Variants in GNAQ observed in about 807,000 individuals in gnomAD.
GNAQ encodes G protein subunit alpha q.
A neutral mutation model predicts 43.9 loss-of-function variants in GNAQ; 8 were observed. That is an observed-to-expected ratio of 0.18 (90% confidence interval 0.11 to 0.33). The LOEUF is 0.33. GNAQ is among the 10% of genes least tolerant of loss of function. The pLI, the probability that GNAQ is intolerant of heterozygous loss-of-function variation, is 1.00. For synonymous variants in GNAQ, 155 were observed against 170.7 expected (o/e 0.91, Z 0.71); for missense variants, 158 against 450.8 (o/e 0.35, Z 5.88).
At chr9:77,761,339 G>A (rs1303154617) in intron 5 of GNAQ, among the ~76,000 whole-genome samples, 1,102 of 118,116 alleles carry the variant, frequency 9.3e-3, no homozygotes, top group Non-Finnish European at 0.014. Context: ...TCAGCCCCCC[G>A]CCCGGCCAGC....
chr9:77,874,686 G>A (rs771258112), intron 2 of GNAQ, among the ~76,000 whole-genome samples: 21 of 151,836 alleles, frequency 1.4e-4, no homozygotes, highest in East Asian at 1.9e-4. Context: ...GTGTCATAGC[G>A]CGATCATGGC....
intron 2 of GNAQ, among the ~76,000 whole-genome samples, chr9:77,831,399 CAGG>C (rs947195549): frequency 7.9e-5 from 12 of 152,170 alleles, no homozygotes; most frequent in African/African-American, 2.9e-4. Flanking sequence ...ACACCAAAAT[CAGG>C]AGGATCAATT....
intron 2 of GNAQ, among the ~76,000 whole-genome samples, chr9:77,842,290 A>G (rs1395675557): frequency 6.6e-6 from 1 of 152,188 alleles, no homozygotes; most frequent in Non-Finnish European, 1.5e-5. Flanking sequence ...CTCTAACTGT[A>G]GTAAGAAAAG....
intron 2 of GNAQ, among the ~76,000 whole-genome samples, chr9:77,901,931 C>T (rs1444413960): frequency 2.0e-5 from 3 of 152,162 alleles, no homozygotes; most frequent in Non-Finnish European, 1.5e-5. Context: ...TAGCTTCCTT[C>T]GGCCTATTTT....
intron 5 of GNAQ, among the ~76,000 whole-genome samples, chr9:77,774,753 A>T (rs1164637643): frequency 6.6e-6 from 1 of 152,228 alleles, no homozygotes; most frequent in African/African-American, 2.4e-5. Context: ...TTGAGCCACC[A>T]TGCCCAGCTC....
chr9:77,747,981 A>T (rs1456527451), intron 5 of GNAQ, among the ~76,000 whole-genome samples: 1 of 152,144 alleles, frequency 6.6e-6, no homozygotes, highest in African/African-American at 2.4e-5. Context: ...CCATGTGAAC[A>T]TTCCTCATGT....
intron 5 of GNAQ, among the ~76,000 whole-genome samples, chr9:77,746,331 T>C (rs531108677): frequency 6.6e-6 from 1 of 152,216 alleles, no homozygotes; most frequent in South Asian, 2.1e-4. Context: ...AAGATGTAAA[T>C]GAACTCCTGG....
chr9:77,813,228 T>C (rs2118504120), intron 3 of GNAQ, among the ~76,000 whole-genome samples: 1 of 152,266 alleles, frequency 6.6e-6, no homozygotes. Flanking sequence ...CACATATATA[T>C]AATTTAGAAA....
intron 3 of GNAQ, among the ~76,000 whole-genome samples, chr9:77,799,177 C>A (rs147557308): frequency 6.6e-6 from 1 of 152,152 alleles, no homozygotes; most frequent in African/African-American, 2.4e-5. Flanking sequence ...GGGGCACAGA[C>A]ATGGCTTCAA....
At chr9:77,932,662 AGGTAGGAGGCAC>A (rs1829169483) in intron 1 of GNAQ, among the ~76,000 whole-genome samples, 1 of 152,092 alleles carries the variant, frequency 6.6e-6, no homozygotes, top group Admixed American at 6.5e-5. Flanking sequence ...TGGATGGCAG[AGGTAGGAGGCAC>A]GGCAGGAGCA....
intron 2 of GNAQ, among the ~76,000 whole-genome samples, chr9:77,879,094 G>GGAAAAAA (rs1828171765): frequency 6.6e-6 from 1 of 151,786 alleles, no homozygotes; most frequent in Admixed American, 6.6e-5. Flanking sequence ...AAAAAAATAA[G>GGAAAAAA]ATGAGGAAAA....
At chr9:78,014,604 TCAAAA>T (rs934185929) in intron 1 of GNAQ, among the ~76,000 whole-genome samples, 1 of 152,034 alleles carries the variant, frequency 6.6e-6, no homozygotes, top group Non-Finnish European at 1.5e-5. Context: ...AAACTCCGTC[TCAAAA>T]CAAAACAAAA....
chr9:77,760,468 G>C (rs934956049), intron 5 of GNAQ, among the ~76,000 whole-genome samples: 29 of 152,144 alleles, frequency 1.9e-4, no homozygotes, highest in Admixed American at 1.6e-3. Flanking sequence ...CTCGGCCTCT[G>C]GAGGTGCCGG....
In GNAQ at chr9:77,719,111, G is replaced by C. The variant is rs1011006815; in HGVS notation, c.*2212C>G. 23 of 230,320 alleles carry C rather than the reference G, an allele frequency of 1.0e-4. No individual in the cohort carries two copies. The highest frequency in any genetic ancestry group is 6.9e-5 in the Non-Finnish European group (8 of 116,620). 14.3% of individuals were successfully genotyped at this position (230,320 alleles called of 1,614,324 possible). ...GACGCTAGTACCGCTCTGTATGACAGTAAGGTTTTTTTTTTTTCTTCTTTT... is the reference window on the plus strand; with the variant it reads ...GACGCTAGTACCGCTCTGTATGACACTAAGGTTTTTTTTTTTTCTTCTTTT... On this transcript the variant is annotated 3_prime_UTR_variant, in exon 7 of 7. Transcript: ENST00000286548.
chr9:77,820,921 A>T (rs1304493038), intron 2 of GNAQ, among the ~76,000 whole-genome samples: 1 of 152,206 alleles, frequency 6.6e-6, no homozygotes, highest in Non-Finnish European at 1.5e-5. Flanking sequence ...CCTAGTACAA[A>T]ATATTATAAT....
intron 2 of GNAQ, among the ~76,000 whole-genome samples, chr9:77,864,564 G>A (rs1057060893): frequency 3.9e-5 from 6 of 152,170 alleles, no homozygotes; most frequent in Admixed American, 6.5e-5. Flanking sequence ...CTGCTGCTGC[G>A]TGGGAGGATG....
At chr9:77,820,751 C>T (rs1041455055) in intron 2 of GNAQ, among the ~76,000 whole-genome samples, 5 of 152,146 alleles carry the variant, frequency 3.3e-5, no homozygotes, top group Non-Finnish European at 7.4e-5. Flanking sequence ...ACTTGAACAG[C>T]CTGAGACCAA....
intron 1 of GNAQ, among the ~76,000 whole-genome samples, chr9:77,960,751 G>C (rs985158120): frequency 3.2e-4 from 49 of 151,094 alleles, no homozygotes; most frequent in African/African-American, 1.2e-3. Flanking sequence ...AAACCACAAA[G>C]AATCTAAAGT....
chr9:77,763,224 A>G (rs1826082924), intron 5 of GNAQ, among the ~76,000 whole-genome samples: 1 of 152,160 alleles, frequency 6.6e-6, no homozygotes, highest in South Asian at 2.1e-4. Context: ...TGATCTATAA[A>G]ACATCTCAAG....
Sources: allele counts gnomAD v4.1 joint callset (sites outside exome capture counted in the v4.1 genomes callset), GRCh38; gene constraint gnomAD v4.1.1; transcripts MANE v1.5; gene names NCBI Gene and HGNC (gene_info 2026-07-23, HGNC 2026-07-21).